Variants in DCC observed in about 807,000 individuals in gnomAD.
DCC encodes the protein netrin receptor DCC.
In DCC, 58 loss-of-function variants were observed where a neutral mutation model predicts 172.5. The observed-to-expected ratio is 0.34, with a 90% CI of 0.27 to 0.42. The LOEUF is 0.42. Among genes scored for constraint, DCC ranks in the 10% least tolerant of loss-of-function variants. The pLI is 1.00. For missense variants in DCC, 1,740 were observed against 1,791.0 expected (o/e 0.97, Z 0.51); for synonymous variants, 709 against 644.5 (o/e 1.10, Z -1.52).
intron 5 of DCC, among the ~76,000 whole-genome samples, chr18:53,003,286 A>T (rs1387994588): frequency 6.6e-6 from 1 of 152,106 alleles, no homozygotes; most frequent in Non-Finnish European, 1.5e-5. Flanking sequence ...AAGGCAAATC[A>T]TTCGATACAT....
At chr18:52,781,942 A>G (rs1316993268) in intron 2 of DCC, among the ~76,000 whole-genome samples, 1 of 152,178 alleles carries the variant, frequency 6.6e-6, no homozygotes, top group Non-Finnish European at 1.5e-5. Flanking sequence ...GAAGAGAATG[A>G]CTTTCTTCAT....
chr18:53,490,024 A>G (rs2045943468), intron 26 of DCC, among the ~76,000 whole-genome samples: 1 of 152,194 alleles, frequency 6.6e-6, no homozygotes, highest in Admixed American at 6.5e-5. Flanking sequence ...AGTAGGTGGT[A>G]GAGGAGCAGT....
chr18:52,619,455 GT>G (rs1262757476), intron 1 of DCC, among the ~76,000 whole-genome samples: 3 of 152,082 alleles, frequency 2.0e-5, no homozygotes, highest in African/African-American at 7.2e-5. Context: ...TGGTTTTTTG[GT>G]TTGTTGTTGT....
At chr18:53,271,799 T>G (rs1333117048) in intron 12 of DCC, among the ~76,000 whole-genome samples, 2 of 152,174 alleles carry the variant, frequency 1.3e-5, no homozygotes, top group East Asian at 3.9e-4. Context: ...AAGGGATCAC[T>G]GGGCACCATT....
intron 1 of DCC, among the ~76,000 whole-genome samples, chr18:52,566,342 A>G (rs117584179): frequency 0.04 from 6,054 of 152,122 alleles, 156 homozygotes; most frequent in Non-Finnish European, 0.054. Flanking sequence ...AGGGAGGGGA[A>G]CATCATCACA....
chr18:52,969,585 CTCTCTCTCTCT>C (rs2040992131), intron 5 of DCC, among the ~76,000 whole-genome samples: 1 of 27,384 alleles, frequency 3.7e-5, no homozygotes, highest in African/African-American at 2.2e-4. Flanking sequence ...CCGCCCCCCA[CTCTCTCTCTCT>C]CTCTCTCTCT....
chr18:53,429,263 G>GACAACTTTTTTCACCTATCCTTTGCCA (rs1319248002), intron 21 of DCC, among the ~76,000 whole-genome samples: 1 of 146,560 alleles, frequency 6.8e-6, no homozygotes. Flanking sequence ...TTTAGAAGAT[G>GACAACTTTTTTCACCTATCCTTTGCCA]GTCTCTGCAA....
chr18:52,364,201 T>C (rs1031156817), intron 1 of DCC, among the ~76,000 whole-genome samples: 11 of 152,350 alleles, frequency 7.2e-5, no homozygotes, highest in Non-Finnish European at 1.2e-4. Flanking sequence ...AATGTCTTTA[T>C]GGCCTGAGAA....
intron 2 of DCC, among the ~76,000 whole-genome samples, chr18:52,807,376 A>C (rs2038107733): frequency 6.6e-6 from 1 of 152,208 alleles, no homozygotes; most frequent in African/African-American, 2.4e-5. Context: ...AGACATGTGA[A>C]CTGTATGGTT....
At chr18:53,148,028 G>A (rs1444840483) in intron 7 of DCC, among the ~76,000 whole-genome samples, 1 of 151,992 alleles carries the variant, frequency 6.6e-6, no homozygotes, top group Admixed American at 6.6e-5. Context: ...GTTTCTCACT[G>A]GAAACATTTA....
intron 1 of DCC, among the ~76,000 whole-genome samples, chr18:52,739,616 C>T (rs908700762): frequency 3.9e-5 from 6 of 152,082 alleles, no homozygotes; most frequent in Non-Finnish European, 7.4e-5. Flanking sequence ...CTGTGTCTAC[C>T]GTTTACATTT....
intron 5 of DCC, among the ~76,000 whole-genome samples, chr18:53,054,684 T>A (rs1018857170): frequency 6.6e-6 from 1 of 152,072 alleles, no homozygotes; most frequent in African/African-American, 2.4e-5. Flanking sequence ...AATGGGATTA[T>A]TTGTCTGGCT....
chr18:52,903,430 C>G (rs1397316246), intron 2 of DCC, among the ~76,000 whole-genome samples: 2 of 152,136 alleles, frequency 1.3e-5, no homozygotes, highest in African/African-American at 2.4e-5. Flanking sequence ...TGGTCTCAAA[C>G]TCCTGTGCTC....
intron 12 of DCC, among the ~76,000 whole-genome samples, chr18:53,304,641 G>A (rs1197172546): frequency 6.6e-6 from 1 of 152,102 alleles, no homozygotes; most frequent in African/African-American, 2.4e-5. Context: ...TGGTTTTACT[G>A]GGTATAGGTA....
In DCC at chr18:52,981,367, G is replaced by C. The variant is rs115003085; in HGVS notation, c.985+55997G>C. Among the ~76,000 whole-genome samples, 546 of 151,960 alleles carry C rather than the reference G, an allele frequency of 3.6e-3. 1 individual carries two copies. The highest frequency in any genetic ancestry group is 0.012 in the African/African-American group (517 of 41,444). Reference sequence around the variant, plus strand: ...TACATGTGTTAAATTGCCTCTCTCTGAGCCTTATATTTAATTCAGTTCCTG... The same window carrying C: ...TACATGTGTTAAATTGCCTCTCTCTCAGCCTTATATTTAATTCAGTTCCTG... On this transcript the variant is annotated intron_variant, in intron 5 of 28. Coordinates refer to ENST00000442544, the MANE Select transcript of DCC (RefSeq NM_005215.4).
intron 19 of DCC, among the ~76,000 whole-genome samples, chr18:53,405,368 A>G (rs1909595720): frequency 6.6e-6 from 1 of 152,092 alleles, no homozygotes; most frequent in Non-Finnish European, 1.5e-5. Context: ...ACACATGAGG[A>G]AGTCATTTAA....
At chr18:53,476,653 A>C (rs767005403) in intron 25 of DCC, among the ~76,000 whole-genome samples, 4 of 152,132 alleles carry the variant, frequency 2.6e-5, no homozygotes, top group Non-Finnish European at 4.4e-5. Flanking sequence ...GTATGTCTTT[A>C]TCAGGATCAT....
intron 1 of DCC, among the ~76,000 whole-genome samples, chr18:52,750,404 A>G (rs2036976675): frequency 6.6e-6 from 1 of 152,200 alleles, no homozygotes; most frequent in African/African-American, 2.4e-5. Context: ...CTTATTTGAA[A>G]ATAAAGACAC....
intron 15 of DCC, among the ~76,000 whole-genome samples, chr18:53,342,297 G>T (rs886637763): frequency 6.6e-6 from 1 of 151,966 alleles, no homozygotes; most frequent in African/African-American, 2.4e-5. Context: ...TAGGCATAGA[G>T]CTTCATTAAT....
Sources: gnomAD v4.1 joint callset for allele counts (sites outside exome capture counted in the v4.1 genomes callset) on GRCh38, gnomAD v4.1.1 for gene constraint, MANE v1.5 for transcripts, NCBI Gene and HGNC (gene_info 2026-07-23, HGNC 2026-07-21) for gene names.